The following FLI1 variants were observed in gnomAD, a reference collection of about 807,000 sequenced individuals.
FLI1 encodes the protein Fli-1 proto-oncogene, ETS transcription factor, also known as Friend leukemia integration 1 transcription factor.
Under a neutral mutation model 53.1 loss-of-function variants are expected in FLI1, and 13 were observed. The observed-to-expected ratio is 0.24, with a 90% CI of 0.16 to 0.39. The LOEUF (loss-of-function observed/expected upper bound fraction) is 0.39, where lower values mean the gene tolerates loss of function less well. Ranked by LOEUF, FLI1 falls within the 10% of genes least tolerant of loss-of-function variation. The probability of loss-of-function intolerance (pLI) is 1.00; values close to 1 mark genes in which losing one functional copy is unlikely to be tolerated. For synonymous variants in FLI1, 244 were observed against 236.7 expected, an observed-to-expected ratio of 1.03 and a Z score of -0.28; for missense variants, 424 against 600.5, an observed-to-expected ratio of 0.71 and a Z score of 3.07.
intron 1 of FLI1, among the ~76,000 whole-genome samples, chr11:128,721,950 G>A (rs898480138): frequency 2.0e-5 from 3 of 152,224 alleles, no homozygotes; most frequent in African/African-American, 7.2e-5. Context: ...AGTGGCTAGA[G>A]TCAGAGGCTC....
At chr11:128,764,033 C>T (rs1178099277) in intron 2 of FLI1, among the ~76,000 whole-genome samples, 1 of 152,178 alleles carries the variant, frequency 6.6e-6, no homozygotes, top group East Asian at 1.9e-4. Context: ...ACTTAGGCAG[C>T]CCGCGAGGCC....
At chr11:128,757,577 G>T (rs367874246) in intron 1 of FLI1, among the ~76,000 whole-genome samples, 10 of 152,152 alleles carry the variant, frequency 6.6e-5, no homozygotes, top group African/African-American at 2.4e-4. Context: ...ACTGAAATTG[G>T]CCTGGCCACA....
At chr11:128,752,086 C>T (rs886761825) in intron 1 of FLI1, among the ~76,000 whole-genome samples, 2 of 152,130 alleles carry the variant, frequency 1.3e-5, no homozygotes, top group Non-Finnish European at 2.9e-5. Context: ...ATCGATTCTC[C>T]TGCCTCAGCC....
chr11:128,805,195 A>G, intron 5 of FLI1, 171 bp from the exon 6 acceptor site: 1 of 487,922 alleles, frequency 2.0e-6, no homozygotes, highest in South Asian at 3.6e-5. Flanking sequence ...TGAAAGTCAG[A>G]GTGTTAATAT....
At chr11:128,769,824 C>A (rs922375502) in intron 3 of FLI1, among the ~76,000 whole-genome samples, 6 of 152,290 alleles carry the variant, frequency 3.9e-5, no homozygotes, top group East Asian at 1.9e-4. Flanking sequence ...CACAGGAGAC[C>A]AGCTAGTAAT....
chr11:128,692,783 C>T (rs1174632548), upstream of FLI1: 2 of 152,226 alleles, frequency 1.3e-5, no homozygotes, highest in Non-Finnish European at 2.9e-5. Context: ...AAAGCGTGGT[C>T]CGGAGAGCGT....
Position 128,802,409 on chromosome 11 carries a change from T to A in FLI1, c.656-2957T>A, listed in dbSNP as rs550827949. ...GATTTTCCATGCAAATACTTGGGAATAAAAAAGAAATGAGAGGGAGGCCTG... is the reference window on the plus strand; with the variant it reads ...GATTTTCCATGCAAATACTTGGGAAAAAAAAAGAAATGAGAGGGAGGCCTG... On this transcript the variant is annotated intron_variant, in intron 5 of 8. Transcript: ENST00000527786. Among the ~76,000 whole-genome samples, 275 of 152,268 alleles carry A rather than the reference T, an allele frequency of 1.8e-3. 1 individual carries two copies. Among genetic ancestry groups the A allele is most frequent in the Middle Eastern group, 3.4e-3 (1 of 294 alleles).
chr11:128,744,657 G>A (rs1026330207), intron 1 of FLI1, among the ~76,000 whole-genome samples: 1 of 152,176 alleles, frequency 6.6e-6, no homozygotes, highest in African/African-American at 2.4e-5. Flanking sequence ...GCAGAATGGA[G>A]AGCCCCCTCA....
chr11:128,755,189 G>A (rs977028056), intron 1 of FLI1, among the ~76,000 whole-genome samples: 1 of 152,090 alleles, frequency 6.6e-6, no homozygotes, highest in South Asian at 2.1e-4. Flanking sequence ...GGAACTTTTT[G>A]CCCATCTATG....
At chr11:128,722,004 C>T (rs1939275208) in intron 1 of FLI1, among the ~76,000 whole-genome samples, 1 of 152,168 alleles carries the variant, frequency 6.6e-6, no homozygotes. Flanking sequence ...TGTCTGTCTG[C>T]AGCTGGTCTT....
chr11:128,749,784 T>A (rs1285190104), intron 1 of FLI1, among the ~76,000 whole-genome samples: 1 of 152,240 alleles, frequency 6.6e-6, no homozygotes, highest in African/African-American at 2.4e-5. Flanking sequence ...CCATAAAATT[T>A]ACCTCCTCTT....
rs759402782 is a variant in FLI1 at position 128,809,190 on chromosome 11, G to A, written c.815G>A (p.Arg272His). The A allele has an allele frequency of 1.1e-5, 17 of 1,613,840 alleles. No homozygotes were observed. The highest frequency in any genetic ancestry group is 1.4e-5 in the Non-Finnish European group (17 of 1,179,780). ...PYQILGPTSS[R>H]LANPGSGQIQ... ...CAGATCCTGGGCCCGACCAGCAGTC[G>A]CCTAGCCAACCCTGGTGAGTTTACC... The change falls in exon 8 of 9, where the codon CGC (arginine) becomes CAC (histidine). Residue 272 changes from arginine (R) to histidine (H), a missense_variant. Coordinates refer to ENST00000527786, the MANE Select transcript of FLI1 (RefSeq NM_002017.5).
intron 1 of FLI1, chr11:128,687,049 C>T (rs149803327): frequency 2.6e-4 from 41 of 155,416 alleles, no homozygotes; most frequent in Admixed American, 3.8e-4. Flanking sequence ...GCATTAAGCG[C>T]GTGCGCGCGC....
At chr11:128,750,127 C>A (rs1196629182) in intron 1 of FLI1, among the ~76,000 whole-genome samples, 1 of 152,230 alleles carries the variant, frequency 6.6e-6, no homozygotes, top group Non-Finnish European at 1.5e-5. Flanking sequence ...TGTGGTGACC[C>A]TGGGTAATGG....
intron 4 of FLI1, among the ~76,000 whole-genome samples, chr11:128,780,855 G>A (rs967588059): frequency 2.0e-5 from 3 of 152,208 alleles, no homozygotes; most frequent in Admixed American, 6.5e-5. Context: ...GAATACATGT[G>A]TTGAGCTTAT....
At position 128,758,237 on chromosome 11, in the gene FLI1, G is replaced by A. The variant is rs992129665; in HGVS notation, c.141G>A (p.Lys47=). The A allele has an allele frequency of 1.9e-6, 3 of 1,613,504 alleles. No individual in the cohort carries two copies. Among genetic ancestry groups the A allele is most frequent in the Admixed American group, 3.3e-5 (2 of 59,978 alleles). ...GTCCTGACTACGGGCAGCCCCACAA[G>A]ATCAACCCCCTCCCACCACAGCAGG... ...SGSPDYGQPH[K]INPLPPQQEW... The change falls in exon 2 of 9, where the codon AAG becomes AAA. Residue 47 remains lysine, a synonymous_variant. Coordinates refer to ENST00000527786, the MANE Select transcript of FLI1 (RefSeq NM_002017.5).
chr11:128,741,378 G>T (rs1333420137), intron 1 of FLI1, among the ~76,000 whole-genome samples: 1 of 152,180 alleles, frequency 6.6e-6, no homozygotes, highest in Non-Finnish European at 1.5e-5. Flanking sequence ...GGGCAGCAGA[G>T]TGAGACTCCG....
intron 2 of FLI1, among the ~76,000 whole-genome samples, chr11:128,766,524 TATG>T (rs1375868350): frequency 6.6e-6 from 1 of 152,244 alleles, no homozygotes; most frequent in Non-Finnish European, 1.5e-5. Context: ...ATCTCCCAGC[TATG>T]ATAAGTGATC....
chr11:128,700,495 G>T (rs1014246031), intron 1 of FLI1, among the ~76,000 whole-genome samples: 1 of 152,164 alleles, frequency 6.6e-6, no homozygotes, highest in South Asian at 2.1e-4. Context: ...AGGGTACTTT[G>T]GGGAGGAAAG....
Sources: allele counts gnomAD v4.1 joint callset (sites outside exome capture counted in the v4.1 genomes callset), GRCh38; gene constraint gnomAD v4.1.1; transcripts MANE v1.5; gene names NCBI Gene and HGNC (gene_info 2026-07-23, HGNC 2026-07-21).